PPP1R7: variants seen among roughly 807,000 people sequenced by gnomAD.
PPP1R7 encodes the protein protein phosphatase 1 regulatory subunit 7.
Under a neutral mutation model 45.2 loss-of-function variants are expected in PPP1R7, and 18 were observed. That is an observed-to-expected ratio of 0.40 (90% CI 0.28 to 0.59). The LOEUF (loss-of-function observed/expected upper bound fraction) is 0.59. PPP1R7 is among the 20% of genes least tolerant of loss of function. The probability of loss-of-function intolerance (pLI) is 0.46; values close to 1 mark genes in which losing one functional copy is unlikely to be tolerated. For synonymous variants in PPP1R7, 181 were observed against 183.4 expected, an observed-to-expected ratio of 0.99 and a Z score of 0.11; for missense variants, 314 against 455.8, an observed-to-expected ratio of 0.69 and a Z score of 2.83.
At chr2:241,177,658 T>C (rs902059283) in intron 9 of PPP1R7, among the ~76,000 whole-genome samples, 16 of 152,218 alleles carry the variant, frequency 1.1e-4, no homozygotes, top group Non-Finnish European at 1.8e-4. Context: ...ACCAATATGA[T>C]GCATCCCGCC....
At chr2:241,177,706 G>A (rs2067931783) in intron 9 of PPP1R7, among the ~76,000 whole-genome samples, 1 of 152,194 alleles carries the variant, frequency 6.6e-6, no homozygotes, top group South Asian at 2.1e-4. Flanking sequence ...GACATCCAGG[G>A]CCTGGAGGGT....
Position 241,163,275 on chromosome 2 carries a change from C to T in PPP1R7, c.598-10C>T. ...CTGCAGTACTCATTGCTGTTCTGTC[C>T]TTTCCACAGGCAATCGAAAATATCG... On this transcript the variant is annotated splice_polypyrimidine_tract_variant and intron_variant, in intron 6 of 9. Coordinates refer to ENST00000234038, the MANE Select transcript of PPP1R7 (RefSeq NM_002712.3). The T allele has an allele frequency of 6.3e-7, 1 of 1,593,654 alleles. No individual in the cohort carries two copies. Among genetic ancestry groups the T allele is most frequent in the Non-Finnish European group, 8.6e-7 (1 of 1,161,536 alleles).
At chr2:241,182,526 G>A in intron 9 of PPP1R7, 121 bp from the exon 10 acceptor site, 1 of 1,247,318 alleles carries the variant, frequency 8.0e-7, no homozygotes, top group Non-Finnish European at 1.1e-6. Flanking sequence ...AGGTGCCAGG[G>A]AAGACCCACA....
intron 8 of PPP1R7, 83 bp downstream of exon 8, chr2:241,166,524 C>G (rs11694223): frequency 2.6e-6 from 3 of 1,173,490 alleles, no homozygotes; most frequent in Non-Finnish European, 3.8e-6. Context: ...CACACACTGG[C>G]CTCTCGGGCC....
upstream of PPP1R7, chr2:241,149,892 C>T: frequency 6.9e-7 from 1 of 1,441,074 alleles, no homozygotes; most frequent in East Asian, 2.5e-5. Flanking sequence ...GCTAGCGGCC[C>T]CACCAGCGCA....
intron 2 of PPP1R7, among the ~76,000 whole-genome samples, chr2:241,154,391 A>G (rs1464862972): frequency 2.6e-5 from 4 of 152,052 alleles, no homozygotes; most frequent in Non-Finnish European, 5.9e-5. Flanking sequence ...ATTGACTTCT[A>G]AAGTGCCTAG....
At chr2:241,150,088 C>T (rs1410122902), upstream of PPP1R7, 24 of 1,265,920 alleles carry the variant, frequency 1.9e-5, no homozygotes, top group East Asian at 8.4e-4. Flanking sequence ...CTTGCAGCCA[C>T]GGAAAGATCC....
chr2:241,164,363 T>G (rs939645099), intron 7 of PPP1R7, among the ~76,000 whole-genome samples: 1 of 152,224 alleles, frequency 6.6e-6, no homozygotes, highest in African/African-American at 2.4e-5. Flanking sequence ...ACAGAGAATA[T>G]CAACCCTGTT....
chr2:241,180,007 C>T (rs2067972429), intron 9 of PPP1R7, among the ~76,000 whole-genome samples: 1 of 152,198 alleles, frequency 6.6e-6, no homozygotes, highest in South Asian at 2.1e-4. Context: ...GTCCGCCCAT[C>T]TAGACTAATA....
chr2:241,154,385 A>G (rs527798119), intron 2 of PPP1R7, among the ~76,000 whole-genome samples: 5 of 151,916 alleles, frequency 3.3e-5, no homozygotes, highest in African/African-American at 9.7e-5. Flanking sequence ...CTGAGGATTG[A>G]CTTCTAAAGT....
intron 5 of PPP1R7, 44 bp from the exon 6 acceptor site, chr2:241,160,288 A>G (rs775072124): frequency 2.5e-5 from 38 of 1,517,652 alleles, no homozygotes; most frequent in Non-Finnish European, 3.4e-5. Context: ...TATGCAACCT[A>G]TGCTCGTGAA....
intron 8 of PPP1R7, chr2:241,167,263 C>G: frequency 2.2e-6 from 1 of 445,144 alleles, no homozygotes; most frequent in Non-Finnish European, 3.9e-6. Flanking sequence ...CATTAAAGGC[C>G]TTTGTGCCTC....
intron 9 of PPP1R7, among the ~76,000 whole-genome samples, chr2:241,177,163 G>A (rs545928538): frequency 2.0e-5 from 3 of 152,254 alleles, no homozygotes; most frequent in Admixed American, 6.5e-5. Context: ...CCCAGGAGGC[G>A]GAGGTTGCAG....
intron 3 of PPP1R7, among the ~76,000 whole-genome samples, chr2:241,158,124 A>G (rs561925215): frequency 3.3e-5 from 5 of 152,294 alleles, no homozygotes; most frequent in African/African-American, 1.2e-4. Flanking sequence ...GAGGGTCCCA[A>G]TGGCCCCAGG....
At chr2:241,180,769 CAGCAGGGCACCAGCCCTGGTGGTGCAG>C (rs2067989997) in intron 9 of PPP1R7, among the ~76,000 whole-genome samples, 1 of 143,274 alleles carries the variant, frequency 7.0e-6, no homozygotes, top group Non-Finnish European at 1.5e-5. Context: ...GGGACAGCAG[CAGCAGGGCACCAGCCCTGGTGGTGCAG>C]CTCCTCCCAG....
At chr2:241,169,024 A>T (rs989107518) in intron 8 of PPP1R7, among the ~76,000 whole-genome samples, 5 of 152,180 alleles carry the variant, frequency 3.3e-5, no homozygotes, top group African/African-American at 1.2e-4. Flanking sequence ...TTTCCTTTTG[A>T]TGAGAAACAA....
chr2:241,175,453 T>G (rs2067893714), intron 9 of PPP1R7, among the ~76,000 whole-genome samples: 1 of 152,258 alleles, frequency 6.6e-6, no homozygotes, highest in African/African-American at 2.4e-5. Flanking sequence ...ACTGGCTTAC[T>G]TCACTCAGCA....
At chr2:241,157,196 T>G (rs562947571) in intron 2 of PPP1R7, among the ~76,000 whole-genome samples, 3 of 151,968 alleles carry the variant, frequency 2.0e-5, no homozygotes, top group Non-Finnish European at 2.9e-5. Flanking sequence ...CACTGAGAAG[T>G]GTGTTTAAAT....
chr2:241,150,123 C>A, upstream of PPP1R7: 1 of 1,263,966 alleles, frequency 7.9e-7, no homozygotes, highest in South Asian at 2.2e-5. Flanking sequence ...CCCTCCACGC[C>A]TCCGAGGTCG....
Sources: gnomAD v4.1 joint callset for allele counts (sites outside exome capture counted in the v4.1 genomes callset) on GRCh38, gnomAD v4.1.1 for gene constraint, MANE v1.5 for transcripts, NCBI Gene and HGNC (gene_info 2026-07-23, HGNC 2026-07-21) for gene names.